ANXA6: variants seen among roughly 807,000 people sequenced by gnomAD.
ANXA6 encodes the protein 67 kDa calelectrin.
In ANXA6, 71 loss-of-function variants were observed where a neutral mutation model predicts 95.4. That is an observed-to-expected ratio of 0.74 (90% CI 0.61 to 0.91). ANXA6 has a LOEUF of 0.91. Ranked by LOEUF, ANXA6 falls within the 40% of genes least tolerant of loss-of-function variation. The probability of loss-of-function intolerance (pLI) is 0.00; values close to 1 mark genes in which losing one functional copy is unlikely to be tolerated. For synonymous variants in ANXA6, 289 were observed against 315.9 expected, an observed-to-expected ratio of 0.91 and a Z score of 0.90; for missense variants, 830 against 876.4, an observed-to-expected ratio of 0.95 and a Z score of 0.67.
chr5:151,123,142 A>T (rs1765220845), intron 15 of ANXA6, 131 bp from the exon 16 acceptor site: 2 of 726,936 alleles, frequency 2.8e-6, no homozygotes, highest in Non-Finnish European at 4.7e-6. Flanking sequence ...TGTGCTCCTG[A>T]GTCCCTGCAG....
chr5:151,111,354 G>A lies in ANXA6; in HGVS notation c.1573-710C>T, dbSNP rs558740992. On this transcript the variant is annotated intron_variant, in intron 20 of 25. Coordinates refer to ENST00000354546, the MANE Select transcript of ANXA6 (RefSeq NM_001155.5). Reference sequence around the variant, plus strand: ...ACCTAGGCTGCGTATTGCTTTCGCCGTTCCCCCAGAAACTCTGCTGACTTT... The same window carrying A: ...ACCTAGGCTGCGTATTGCTTTCGCCATTCCCCCAGAAACTCTGCTGACTTT... 1.1e-4 allele frequency among the ~76,000 whole-genome samples: 16 copies of A among 152,290 alleles called. No homozygotes were observed. The East Asian group carries it at 1.2e-3, about 11-fold the overall frequency.
chr5:151,138,262 C>A (rs1765723880), intron 5 of ANXA6, among the ~76,000 whole-genome samples: 1 of 152,202 alleles, frequency 6.6e-6, no homozygotes, highest in African/African-American at 2.4e-5. Flanking sequence ...CATTTTTACA[C>A]CCTGCAATGA....
chr5:151,110,784 A>C, intron 20 of ANXA6, 140 bp from the exon 21 acceptor site: 1 of 826,088 alleles, frequency 1.2e-6, no homozygotes. Flanking sequence ...ACCTGAGAGA[A>C]CCCGGGATGC....
rs1316455385 is a variant in ANXA6, at chr5:151,129,470, G to A, written c.855C>T (p.Asp285=). The A allele has an allele frequency of 6.2e-7, 1 of 1,613,064 alleles. No individual in the cohort carries two copies. Among genetic ancestry groups the A allele is most frequent in the Non-Finnish European group, 8.5e-7 (1 of 1,179,674 alleles). Residue 285 remains aspartate (D), a synonymous_variant, in exon 12 of 26, where the codon GAC becomes GAT. Transcript: ENST00000354546. ...GGAAGATCTCCCGAATGTCGAGCAT[G>A]TCCAACTCACTACGGGAGACCATGA... The part of the protein sequence containing the change: ...IRIMVSRSEL[D]MLDIREIFRT...
At chr5:151,140,534 G>A (rs915486529) in intron 2 of ANXA6, 41 of 244,586 alleles carry the variant, frequency 1.7e-4, no homozygotes, top group African/African-American at 8.7e-4. Flanking sequence ...GCCTGGCTGA[G>A]TATAGGAGAT....
At chr5:151,138,018 C>A (rs929742768) in intron 5 of ANXA6, among the ~76,000 whole-genome samples, 1 of 152,224 alleles carries the variant, frequency 6.6e-6, no homozygotes. Flanking sequence ...GCCAAACTCA[C>A]AGGGAGATTG....
chr5:151,157,183 G>A (rs575650139), intron 1 of ANXA6, among the ~76,000 whole-genome samples: 1 of 152,266 alleles, frequency 6.6e-6, no homozygotes, highest in East Asian at 1.9e-4. Context: ...TCAGCTCTCT[G>A]CACGCAGGCA....
rs556965116 is a variant in ANXA6, at chr5:151,145,570, G to A, written c.18+2314C>T. On this transcript the variant is annotated intron_variant, in intron 2 of 25. Transcript: ENST00000354546. ...TAACCACAGTGGAAGGAACTGGGGG[G>A]TGTCTAGGCCAGAGAAGACGGAGCA... 2.0e-5 allele frequency among the ~76,000 whole-genome samples: 3 copies of A among 152,254 alleles called. No homozygotes were observed. The South Asian group carries it at 6.2e-4, about 32-fold the overall frequency.
intron 13 of ANXA6, among the ~76,000 whole-genome samples, chr5:151,127,654 T>C (rs1286232051): frequency 6.6e-6 from 1 of 152,178 alleles, no homozygotes; most frequent in Non-Finnish European, 1.5e-5. Flanking sequence ...TGCTTTTATA[T>C]ATGCTTTCTA....
At chr5:151,122,839 G>T in intron 16 of ANXA6, 78 bp downstream of exon 16, 1 of 1,336,496 alleles carries the variant, frequency 7.5e-7, no homozygotes, top group Non-Finnish European at 1.1e-6. Flanking sequence ...CAACTGTGCA[G>T]AACCGATGGG....
At chr5:151,130,740 T>TGGCCTCC (rs1765488837) in intron 11 of ANXA6, among the ~76,000 whole-genome samples, 2 of 152,026 alleles carry the variant, frequency 1.3e-5, no homozygotes, top group African/African-American at 4.8e-5. Flanking sequence ...CTCAGGCCTC[T>TGGCCTCC]GGCAGCAAAT....
intron 14 of ANXA6, among the ~76,000 whole-genome samples, chr5:151,124,684 C>T (rs1294407115): frequency 2.0e-5 from 3 of 152,332 alleles, no homozygotes; most frequent in African/African-American, 7.2e-5. Context: ...GTTCTAGTGC[C>T]CCTTGGCTGC....
chr5:151,105,898 C>T (rs1420002810), intron 23 of ANXA6, among the ~76,000 whole-genome samples: 1 of 152,136 alleles, frequency 6.6e-6, no homozygotes, highest in Non-Finnish European at 1.5e-5. Flanking sequence ...AAAGTAATTA[C>T]AATTTTTGCC....
chr5:151,143,640 G>C (rs551534078), intron 2 of ANXA6, among the ~76,000 whole-genome samples: 1 of 152,108 alleles, frequency 6.6e-6, no homozygotes, highest in Non-Finnish European at 1.5e-5. Flanking sequence ...ACGATGCTAA[G>C]GGCAGCATGG....
chr5:151,138,297 C>CCTCT (rs1454591849), intron 5 of ANXA6, among the ~76,000 whole-genome samples: 1 of 152,200 alleles, frequency 6.6e-6, no homozygotes, highest in Non-Finnish European at 1.5e-5. Flanking sequence ...TCCACCAAAT[C>CCTCT]CTCTCTGGGC....
Position 151,105,308 on chromosome 5 carries a change from T to G in ANXA6, c.1781-5A>C. On this transcript the variant is annotated splice_polypyrimidine_tract_variant and splice_region_variant and intron_variant, in intron 23 of 25. Transcript: ENST00000354546. ...GCTTGTTCTTGACACTTTGAACTGG[T>G]AGGAAGAGCAGAGAGATGCGGGGAA... The G allele has an allele frequency of 6.2e-7, 1 of 1,613,806 alleles. No homozygotes were observed. Among genetic ancestry groups the G allele is most frequent in the Non-Finnish European group, 8.5e-7 (1 of 1,179,740 alleles).
intron 11 of ANXA6, 131 bp downstream of exon 11, chr5:151,131,100 A>G: frequency 2.2e-6 from 2 of 893,184 alleles, no homozygotes; most frequent in South Asian, 1.7e-5. Flanking sequence ...CCTGCGACAG[A>G]GCACCTTCAC....
In ANXA6 at chr5:151,133,037, A is replaced by G. The variant is rs933488996; in HGVS notation, c.640+57T>C. 461 of 1,181,004 alleles carry G rather than the reference A, an allele frequency of 3.9e-4. 1 individual carries two copies. The highest frequency in any genetic ancestry group is 5.3e-4 in the Non-Finnish European group (437 of 817,912). 73.2% of individuals were successfully genotyped at this position (1,181,004 alleles called of 1,614,324 possible). A position where few individuals can be genotyped will look rare whatever the true frequency, so the allele number is the denominator to read the frequency against. ...GGTAAAGAAAAGAAAAGAGATAAAG[A>G]AAGGCATTATTGGCATCAACCCAAG... On this transcript the variant is annotated intron_variant, in intron 9 of 25. Transcript: ENST00000354546.
intron 1 of ANXA6, among the ~76,000 whole-genome samples, chr5:151,152,839 AGAAAAAGCATTTCTGTCATC>A (rs1283283813): frequency 3.9e-5 from 6 of 152,224 alleles, no homozygotes; most frequent in Admixed American, 3.3e-4. Context: ...CACCAGGGTA[AGAAAAAGCATTTCTGTCATC>A]GAAAGGTAGC....
Sources: allele counts gnomAD v4.1 joint callset (sites outside exome capture counted in the v4.1 genomes callset), GRCh38; gene constraint gnomAD v4.1.1; transcripts MANE v1.5; gene names NCBI Gene and HGNC (gene_info 2026-07-23, HGNC 2026-07-21).